The following FAM120B variants were observed in gnomAD, a reference collection of about 807,000 sequenced individuals.
FAM120B encodes the protein family with sequence similarity 120 member B.
FAM120B carries 83 observed loss-of-function variants against 96.3 expected under a neutral mutation model. The observed-to-expected ratio is 0.86, with a 90% CI of 0.72 to 1.03. The LOEUF (loss-of-function observed/expected upper bound fraction) is 1.03. FAM120B is among the 50% of genes least tolerant of loss of function. The pLI, the probability that FAM120B is intolerant of heterozygous loss-of-function variation, is 0.00. For synonymous variants in FAM120B, 407 were observed against 402.7 expected, an observed-to-expected ratio of 1.01 and a Z score of -0.13; for missense variants, 1,027 against 1,121.2, an observed-to-expected ratio of 0.92 and a Z score of 1.20.
At chr6:170,330,110 C>A (rs926953308) in intron 3 of FAM120B, among the ~76,000 whole-genome samples, 2 of 152,154 alleles carry the variant, frequency 1.3e-5, no homozygotes, top group African/African-American at 4.8e-5. Context: ...CAGCAGTTTT[C>A]TTTAAGTGTT....
At chr6:170,381,761 T>G (rs560130958) in intron 6 of FAM120B, among the ~76,000 whole-genome samples, 1 of 151,132 alleles carries the variant, frequency 6.6e-6, no homozygotes, top group Non-Finnish European at 1.5e-5. Flanking sequence ...ATCATATGAA[T>G]CATTCAGAAA....
At position 170,404,815 on chromosome 6, in the gene FAM120B, C is replaced by T. The variant is rs980500981; in HGVS notation, c.*64C>T. 21 of 546,428 alleles carry T rather than the reference C, an allele frequency of 3.8e-5. No individual in the cohort carries two copies. The highest frequency in any genetic ancestry group is 5.2e-5 in the Non-Finnish European group (16 of 307,968). 33.8% of individuals were successfully genotyped at this position (546,428 alleles called of 1,614,324 possible). A position where few individuals can be genotyped will look rare whatever the true frequency, so the allele number is the denominator to read the frequency against. On this transcript the variant is annotated 3_prime_UTR_variant, in exon 11 of 11. Transcript: ENST00000476287. ...ACCTGGACGCAGAGCCCTGCCAGCG[C>T]CCTCCTCTGCTGTTGCAGCTGCAAG...
upstream of FAM120B, among the ~76,000 whole-genome samples, chr6:170,302,328 A>G (rs541403967): frequency 6.6e-6 from 1 of 152,318 alleles, no homozygotes; most frequent in South Asian, 2.1e-4. Flanking sequence ...GCATGGAGGT[A>G]ACCGCCCCCA....
rs772424390 is a variant in FAM120B, at chr6:170,358,233, C to T, written c.2198C>T (p.Thr733Met). The change falls in exon 6 of 11, where the codon ACG (threonine) becomes ATG (methionine). Residue 733 changes from threonine (T) to methionine (M), a missense_variant. By Grantham distance (81) the Thr-to-Met change is moderately conservative (BLOSUM62 -1). Transcript: ENST00000476287. ...TTTCTCTGTCCTTTTCAGGTGGACA[C>T]GCTTTGCCTGGAGGATTTGCATGCG... ...LLIYLFVQVD[T>M]LCLEDLHAFI... 20 of 1,601,638 alleles carry T rather than the reference C, an allele frequency of 1.2e-5. No individual in the cohort carries two copies. Among genetic ancestry groups the T allele is most frequent in the South Asian group, 6.7e-5 (6 of 89,584 alleles).
At chr6:170,316,088 A>G (rs1421167032) in intron 1 of FAM120B, among the ~76,000 whole-genome samples, 3 of 147,526 alleles carry the variant, frequency 2.0e-5, no homozygotes, top group African/African-American at 7.5e-5. Context: ...AAAAATCAGT[A>G]TATTCTTAAA....
intron 6 of FAM120B, among the ~76,000 whole-genome samples, chr6:170,367,927 G>A (rs1788904101): frequency 6.6e-6 from 1 of 152,156 alleles, no homozygotes; most frequent in Non-Finnish European, 1.5e-5. Flanking sequence ...AGTCTGTAGG[G>A]GTAGGGCTGT....
chr6:170,339,099 A>G (rs1420999260), intron 4 of FAM120B, among the ~76,000 whole-genome samples: 2 of 152,070 alleles, frequency 1.3e-5, no homozygotes, highest in South Asian at 4.1e-4. Flanking sequence ...CAGTTTCTTC[A>G]TAGTGTCAAT....
At chr6:170,347,436 T>C (rs1787264687) in intron 4 of FAM120B, among the ~76,000 whole-genome samples, 1 of 152,210 alleles carries the variant, frequency 6.6e-6, no homozygotes, top group South Asian at 2.1e-4. Context: ...TTTGTCGTGG[T>C]TTCAGTCAAT....
At chr6:170,313,184 A>T (rs1784695359) in intron 1 of FAM120B, among the ~76,000 whole-genome samples, 1 of 152,234 alleles carries the variant, frequency 6.6e-6, no homozygotes, top group South Asian at 2.1e-4. Flanking sequence ...CATAAATAAT[A>T]AACCTTCAGC....
rs1208723703 is a variant in FAM120B, at chr6:170,370,161, C to T, written c.2283+11843C>T. ...GACTCTCAGTTGCCCTTGAGCTTTC[C>T]TGGCCCTGCTCTCTGCACCTCACAG... On this transcript the variant is annotated intron_variant, in intron 6 of 10. Coordinates refer to ENST00000476287, the MANE Select transcript of FAM120B (RefSeq NM_032448.3). This position sits in a 1 kb window ranked among gnomAD's most constrained non-coding sequence, Gnocchi z 4.3. Among the ~76,000 whole-genome samples, 2 of 152,212 alleles carry T rather than the reference C, an allele frequency of 1.3e-5. No homozygotes were observed. Among genetic ancestry groups the T allele is most frequent in the African/African-American group, 4.8e-5 (2 of 41,464 alleles).
At chr6:170,348,523 C>G (rs530623259) in intron 5 of FAM120B, among the ~76,000 whole-genome samples, 200 bp downstream of exon 5, 2 of 152,286 alleles carry the variant, frequency 1.3e-5, no homozygotes, top group African/African-American at 4.8e-5. Context: ...TCTGTCACTA[C>G]CTCAGCTTTA....
At chr6:170,348,840 C>A (rs145939608) in intron 5 of FAM120B, among the ~76,000 whole-genome samples, 6 of 152,248 alleles carry the variant, frequency 3.9e-5, no homozygotes, top group Admixed American at 3.9e-4. Context: ...ATGAAATAAT[C>A]TTAGTAGCTG....
intron 1 of FAM120B, among the ~76,000 whole-genome samples, chr6:170,313,664 C>T (rs1784732525): frequency 6.6e-6 from 1 of 152,204 alleles, no homozygotes; most frequent in African/African-American, 2.4e-5. Flanking sequence ...CTCCAGCTTA[C>T]CTTGCTTATT....
At chr6:170,348,107 G>C (rs1459487590) in intron 4 of FAM120B, 44 bp from the exon 5 acceptor site, 2 of 1,516,086 alleles carry the variant, frequency 1.3e-6, no homozygotes, top group Admixed American at 1.8e-5. Context: ...TTATAACTCT[G>C]TGCTGCAAAG....
Position 170,407,045 on chromosome 6 carries a change from ATATATT to A in FAM120B, c.*2298_*2303del, listed in dbSNP as rs774640872. 2.0e-5 allele frequency: 3 copies of A among 152,206 alleles called. No individual in the cohort carries two copies. The highest frequency in any genetic ancestry group is 6.5e-5 in the Admixed American group (1 of 15,284). 9.4% of individuals were successfully genotyped at this position (152,206 alleles called of 1,614,324 possible). ...TATATCAAATTGAAAATAAAGCAAA[ATATATT>A]TATTACTCATAACTAATATACTTTC... On this transcript the variant is annotated 3_prime_UTR_variant, in exon 11 of 11. Transcript: ENST00000476287.
chr6:170,303,244 CTTTT>C (rs574946316), upstream of FAM120B, among the ~76,000 whole-genome samples: 2 of 151,984 alleles, frequency 1.3e-5, no homozygotes, highest in Non-Finnish European at 2.9e-5. Context: ...CTTTCTTTTC[CTTTT>C]TTTGTGTGTG....
chr6:170,374,572 C>T lies in FAM120B; in HGVS notation c.2284-13715C>T, dbSNP rs80243340. Among the ~76,000 whole-genome samples the T allele has an allele frequency of 9.1e-3, 1,382 of 152,302 alleles. 67 individuals carry two copies. In the East Asian group the frequency reaches 0.11, roughly 12 times the overall value. ...TCTTTCACTGAAAAACTTACCCACA[C>T]GTAACACTCGTTCAGAGCACACCCT... is the stretch of plus-strand genomic sequence containing the variant. On this transcript the variant is annotated intron_variant, in intron 6 of 10. Coordinates refer to ENST00000476287, the MANE Select transcript of FAM120B (RefSeq NM_032448.3).
rs1196767377 is a variant in FAM120B, at chr6:170,404,912, C to G, written c.*161C>G. On this transcript the variant is annotated 3_prime_UTR_variant, in exon 11 of 11. Coordinates refer to ENST00000476287, the MANE Select transcript of FAM120B (RefSeq NM_032448.3). ...CGATGCCTTTTTCAATGGTGTCTCC[C>G]TCCCATTGTGCAGAAGAGCTTTTGT... 5.6e-6 allele frequency: 2 copies of G among 356,982 alleles called. No homozygotes were observed. The highest frequency in any genetic ancestry group is 4.5e-5 in the Admixed American group (1 of 22,420). The allele number at this position is 356,982 out of a possible 1,614,324, so 22.1% of individuals were successfully genotyped here. A position where few individuals can be genotyped will look rare whatever the true frequency, so the allele number is the denominator to read the frequency against.
chr6:170,361,229 T>TAC (rs1394455024), intron 6 of FAM120B, among the ~76,000 whole-genome samples: 4 of 125,288 alleles, frequency 3.2e-5, no homozygotes, highest in East Asian at 2.7e-4. Flanking sequence ...TATATATATA[T>TAC]ATATATACAC....
Sources: allele counts gnomAD v4.1 joint callset (sites outside exome capture counted in the v4.1 genomes callset), GRCh38; gene constraint gnomAD v4.1.1; non-coding constraint Gnocchi (gnomAD v3.1); transcripts MANE v1.5; gene names NCBI Gene and HGNC (gene_info 2026-07-23, HGNC 2026-07-21).